SLC9A9: variants seen among roughly 807,000 people sequenced by gnomAD.
The protein encoded by SLC9A9 is solute carrier family 9 member A9, also known as sodium/hydrogen exchanger 9.
A neutral mutation model predicts 77.8 loss-of-function variants in SLC9A9; 62 were observed. The observed-to-expected ratio is 0.80, with a 90% confidence interval of 0.65 to 0.98. The LOEUF (loss-of-function observed/expected upper bound fraction) is 0.98, where lower values mean the gene tolerates loss of function less well. Among genes scored for constraint, SLC9A9 ranks in the 50% least tolerant of loss-of-function variants. The pLI is 0.00. For missense variants in SLC9A9, 775 were observed against 774.9 expected (o/e 1.00, Z 0.00); for synonymous variants, 320 against 283.5 (o/e 1.13, Z -1.29).
intron 11 of SLC9A9, among the ~76,000 whole-genome samples, chr3:143,482,753 C>T (rs2035593587): frequency 6.6e-6 from 1 of 152,206 alleles, no homozygotes. Context: ...AACAAGTGGA[C>T]TGATCTTTGT....
intron 14 of SLC9A9, among the ~76,000 whole-genome samples, chr3:143,285,875 A>G (rs540052147): frequency 6.9e-4 from 105 of 152,328 alleles, no homozygotes; most frequent in African/African-American, 2.4e-3. Flanking sequence ...AGGACCATGG[A>G]ACAGGAGCTG....
chr3:143,333,710 C>G (rs1576430817), intron 14 of SLC9A9, among the ~76,000 whole-genome samples: 2 of 152,234 alleles, frequency 1.3e-5, no homozygotes, highest in Admixed American at 1.3e-4. Context: ...CCAGTGCTTT[C>G]AACTACCAGA....
chr3:143,517,027 G>C, intron 9 of SLC9A9: 1 of 735,116 alleles, frequency 1.4e-6, no homozygotes, highest in Non-Finnish European at 2.3e-6. Flanking sequence ...TCTGTTTATT[G>C]AGTAATTGAA....
chr3:143,539,649 G>C (rs908359175), intron 9 of SLC9A9, among the ~76,000 whole-genome samples: 3 of 152,156 alleles, frequency 2.0e-5, no homozygotes, highest in African/African-American at 7.2e-5. Flanking sequence ...GGCTATTAAA[G>C]GGGGTTATGC....
At chr3:143,744,137 A>G (rs993245849) in intron 4 of SLC9A9, among the ~76,000 whole-genome samples, 4 of 152,220 alleles carry the variant, frequency 2.6e-5, no homozygotes, top group African/African-American at 9.6e-5. Flanking sequence ...TTAGCCTTGA[A>G]CAGTCCAGAA....
Position 143,796,199 on chromosome 3 carries a change from A to G in SLC9A9, c.456+627T>C, listed in dbSNP as rs79802527. Among the ~76,000 whole-genome samples the G allele has an allele frequency of 1.0e-3, 159 of 152,318 alleles. 2 individuals carry two copies. The East Asian group carries it at 0.029, about 28-fold the overall frequency. On this transcript the variant is annotated intron_variant, in intron 3 of 15. Transcript: ENST00000316549. ...GTGCATAGTCAGGCCGTGCTCAAGT[A>G]CTGTTAGACAAGTGCATAGAAACTG... is the stretch of plus-strand genomic sequence containing the variant.
chr3:143,606,434 C>CTATATATATATATATATATATATA (rs1427549304), intron 6 of SLC9A9, among the ~76,000 whole-genome samples: 1 of 52,938 alleles, frequency 1.9e-5, no homozygotes, highest in Non-Finnish European at 3.4e-5. Flanking sequence ...CTCTCTCTCT[C>CTATATATATATATATATATATATA]TCTATATATA....
intron 14 of SLC9A9, among the ~76,000 whole-genome samples, chr3:143,315,467 A>AAC (rs2031180366): frequency 6.6e-6 from 1 of 152,216 alleles, no homozygotes; most frequent in Non-Finnish European, 1.5e-5. Context: ...GGCATGACCA[A>AAC]ACAAAACTCA....
At chr3:143,671,614 T>C (rs564200422) in intron 5 of SLC9A9, among the ~76,000 whole-genome samples, 241 of 152,260 alleles carry the variant, frequency 1.6e-3, no homozygotes, top group Non-Finnish European at 2.4e-3. Context: ...AAGAATAGAA[T>C]TGAGGTTTAT....
chr3:143,831,534 G>C (rs1025970396), intron 2 of SLC9A9, among the ~76,000 whole-genome samples: 1 of 152,160 alleles, frequency 6.6e-6, no homozygotes, highest in Non-Finnish European at 1.5e-5. Context: ...ACATAGCCAA[G>C]TGGCCAGTGT....
intron 2 of SLC9A9, among the ~76,000 whole-genome samples, chr3:143,807,928 C>T (rs918296680): frequency 8.6e-5 from 13 of 151,958 alleles, no homozygotes; most frequent in African/African-American, 2.7e-4. Flanking sequence ...GAGGGCTGGG[C>T]GGGGATGAGA....
At chr3:143,297,781 T>C (rs1356885084) in intron 14 of SLC9A9, among the ~76,000 whole-genome samples, 1 of 152,260 alleles carries the variant, frequency 6.6e-6, no homozygotes, top group Non-Finnish European at 1.5e-5. Context: ...ATTTTCTTTT[T>C]GTCTATTTTG....
intron 2 of SLC9A9, among the ~76,000 whole-genome samples, chr3:143,805,171 AT>A (rs1166725083): frequency 6.6e-6 from 1 of 151,990 alleles, no homozygotes; most frequent in East Asian, 1.9e-4. Flanking sequence ...TTTCTCCTTT[AT>A]TTGGACCTTG....
intron 1 of SLC9A9, among the ~76,000 whole-genome samples, chr3:143,840,278 C>A (rs2009674699): frequency 6.6e-6 from 1 of 152,032 alleles, no homozygotes; most frequent in African/African-American, 2.4e-5. Flanking sequence ...CTTGAAATTC[C>A]ATCAAAACCC....
At chr3:143,517,074 C>CTTTT in intron 9 of SLC9A9, 1 of 914,202 alleles carries the variant, frequency 1.1e-6, no homozygotes, top group Non-Finnish European at 1.6e-6. Context: ...ATTTCTTTAA[C>CTTTT]TTTTTTTTTT....
chr3:143,583,977 TGAA>T (rs561649535), intron 6 of SLC9A9, among the ~76,000 whole-genome samples: 2 of 151,854 alleles, frequency 1.3e-5, no homozygotes, highest in South Asian at 2.1e-4. Flanking sequence ...ATGCTAGTAA[TGAA>T]GAAGAAGGAG....
chr3:143,652,187 G>C lies in SLC9A9; in HGVS notation c.755+68C>G, dbSNP rs1056322405. The C allele has an allele frequency of 1.7e-5, 22 of 1,262,750 alleles. No individual in the cohort carries two copies. In the African/African-American group the frequency reaches 3.0e-4, roughly 17 times the overall value. The allele number at this position is 1,262,750 out of a possible 1,614,324, so 78.2% of individuals were successfully genotyped here. A position where few individuals can be genotyped will look rare whatever the true frequency, so the allele number is the denominator to read the frequency against. ...GACTGCCCGTATCTCTGTGACATAA[G>C]AGAAAAGATACAAGTGAAAGCATAT... On this transcript the variant is annotated intron_variant, in intron 6 of 15. Transcript: ENST00000316549.
At chr3:143,754,675 A>C (rs2006865042) in intron 4 of SLC9A9, among the ~76,000 whole-genome samples, 1 of 152,172 alleles carries the variant, frequency 6.6e-6, no homozygotes, top group Non-Finnish European at 1.5e-5. Context: ...GGAAAGGACA[A>C]GGGGAAAGCA....
chr3:143,389,264 A>T (rs1312400500), intron 12 of SLC9A9, among the ~76,000 whole-genome samples: 2 of 151,654 alleles, frequency 1.3e-5, no homozygotes, highest in Non-Finnish European at 2.9e-5. Context: ...GAGAGAAAAG[A>T]AAAAAAAAGA....
Sources: gnomAD v4.1 joint callset for allele counts (sites outside exome capture counted in the v4.1 genomes callset) on GRCh38, gnomAD v4.1.1 for gene constraint, MANE v1.5 for transcripts, NCBI Gene and HGNC (gene_info 2026-07-23, HGNC 2026-07-21) for gene names.